The following D2HGDH variants were observed in gnomAD, a reference collection of about 807,000 sequenced individuals.
D2HGDH encodes the protein D-2-hydroxyglutarate dehydrogenase, also known as D-2-hydroxyglutarate dehydrogenase, mitochondrial.
Under a neutral mutation model 46.9 loss-of-function variants are expected in D2HGDH, and 31 were observed. The observed-to-expected ratio is 0.66, with a 90% CI of 0.50 to 0.89. The LOEUF is 0.89. Among genes scored for constraint, D2HGDH ranks in the 40% least tolerant of loss-of-function variants. D2HGDH has a pLI of 0.00. For missense variants in D2HGDH, 698 were observed against 720.8 expected (o/e 0.97, Z 0.36); for synonymous variants, 364 against 332.6 (o/e 1.09, Z -1.03).
At chr2:241,763,562 G>A (rs566569778) in intron 9 of D2HGDH, among the ~76,000 whole-genome samples, 3 of 152,284 alleles carry the variant, frequency 2.0e-5, no homozygotes, top group African/African-American at 7.2e-5. Context: ...CTTTATAAAT[G>A]CTGCACACTG....
Position 241,756,001 on chromosome 2 carries a change from C to G in D2HGDH, c.1293C>G (p.Gly431=), listed in dbSNP as rs1400781664. 1.3e-6 allele frequency: 2 copies of G among 1,598,544 alleles called. No individual in the cohort carries two copies. Among genetic ancestry groups the G allele is most frequent in the East Asian group, 4.5e-5 (2 of 44,424 alleles). ...GCCCGCACGCCAAGCACGTGGTGGG[C>G]TATGGCCACCTTGGTGAGCGGCGCC... ...RLGPHAKHVV[G]YGHLGDGNLH... is the part of the protein sequence containing the mutation. The change falls in exon 9 of 10, where the codon GGC becomes GGG. Residue 431 remains glycine (G), a synonymous_variant. Coordinates refer to ENST00000321264, the MANE Select transcript of D2HGDH (RefSeq NM_152783.5).
chr2:241,750,755 A>C lies in D2HGDH; in HGVS notation c.997+461A>C, dbSNP rs546124147. Reference sequence around the variant, plus strand: ...CAATGTCACGATCTTGGCTCACTGCAGCCTCCACCTCCCGGATTCAAACCA... The same window carrying C: ...CAATGTCACGATCTTGGCTCACTGCCGCCTCCACCTCCCGGATTCAAACCA... On this transcript the variant is annotated intron_variant, in intron 7 of 9. Transcript: ENST00000321264. Among the ~76,000 whole-genome samples, 443 of 152,222 alleles carry C rather than the reference A, an allele frequency of 2.9e-3. 13 individuals carry two copies. Among genetic ancestry groups the C allele is most frequent in the Admixed American group, 0.027 (413 of 15,282 alleles).
In D2HGDH at chr2:241,758,769, ATGTGTGTGTGTGTG is replaced by A. The variant is rs558559121; in HGVS notation, c.1306+2785_1306+2798del. 1.3e-3 allele frequency among the ~76,000 whole-genome samples: 172 copies of A among 131,968 alleles called. 1 individual carries two copies. In the Middle Eastern group the frequency reaches 0.035, roughly 27 times the overall value. The allele number at this position is 131,968 out of a possible 152,430, so 86.6% of individuals were successfully genotyped here. ...TATACCGCCCCCCGCCCCACAATAT[ATGTGTGTGTGTGTG>A]TGTGTGTGTGTGTGTGTGTGTGTGT... On this transcript the variant is annotated intron_variant, in intron 9 of 9. Coordinates refer to ENST00000321264, the MANE Select transcript of D2HGDH (RefSeq NM_152783.5).
rs762857195 is a variant in D2HGDH, at chr2:241,742,465, C to A, written c.381C>A (p.Asn127Lys). ...GCCACGAGAGGAACCTGGCCGTGAACCCACAGGGGGGCAACACAGGCATGG... is the reference window on the plus strand; with the variant it reads ...GCCACGAGAGGAACCTGGCCGTGAAACCACAGGGGGGCAACACAGGCATGG... ...RHCHERNLAV[N>K]PQGGNTGMVG... The change falls in exon 4 of 10, where the codon AAC (asparagine) becomes AAA (lysine). Residue 127 changes from asparagine to lysine, a missense_variant. By Grantham distance (94) the Asn-to-Lys change is moderately conservative (BLOSUM62 0). Coordinates refer to ENST00000321264, the MANE Select transcript of D2HGDH (RefSeq NM_152783.5). This position sits in a 1 kb window ranked among gnomAD's most constrained non-coding sequence, Gnocchi z 4.8. 1.9e-6 allele frequency: 3 copies of A among 1,613,620 alleles called. No homozygotes were observed. The highest frequency in any genetic ancestry group is 1.7e-5 in the Admixed American group (1 of 59,940).
chr2:241,755,491 C>T (rs957502169), intron 8 of D2HGDH: 15 of 1,335,836 alleles, frequency 1.1e-5, no homozygotes, highest in African/African-American at 3.0e-5. Flanking sequence ...GGCGCCTCCC[C>T]CTTCCGTCAT....
At chr2:241,763,033 G>A (rs1165328464) in intron 9 of D2HGDH, among the ~76,000 whole-genome samples, 1 of 152,228 alleles carries the variant, frequency 6.6e-6, no homozygotes, top group South Asian at 2.1e-4. Context: ...TGCTTCTGCA[G>A]TGGGTGGGGA....
At chr2:241,748,878 G>T (rs747068658) in intron 6 of D2HGDH, 13 of 1,297,208 alleles carry the variant, frequency 1.0e-5, no homozygotes, top group Non-Finnish European at 1.2e-5. Context: ...CCTGTGTGCC[G>T]CCCGCCTGTG....
chr2:241,735,423 C>T lies in D2HGDH; in HGVS notation c.199C>T (p.Leu67=). 1.2e-6 allele frequency: 2 copies of T among 1,607,664 alleles called. No homozygotes were observed. Among genetic ancestry groups the T allele is most frequent in the Non-Finnish European group, 1.7e-6 (2 of 1,178,850 alleles). ...LPFSTVSKQD[L]AAFERIVPGG... ...GTTCTCCACGGTGTCTAAGCAGGAC[C>T]TGGCCGCCTTTGAGCGCATCGTGCC... Residue 67 remains leucine, a synonymous_variant, in exon 2 of 10, where the codon CTG becomes TTG. Transcript: ENST00000321264.
rs192484378 is a variant in D2HGDH at position 241,757,089 on chromosome 2, G to A, written c.1306+1075G>A. Among the ~76,000 whole-genome samples the A allele has an allele frequency of 4.6e-5, 7 of 152,320 alleles. No individual in the cohort carries two copies. The East Asian group carries it at 1.2e-3, about 25-fold the overall frequency. ...GACGACAATAACACGTATTACTTAC[G>A]AAGGTCCCGTGCTGTCCCAGGCATT... On this transcript the variant is annotated intron_variant, in intron 9 of 9. Coordinates refer to ENST00000321264, the MANE Select transcript of D2HGDH (RefSeq NM_152783.5).
rs757167384 is a variant in D2HGDH at position 241,735,423 on chromosome 2, C to G, written c.199C>G (p.Leu67Val). 22 of 1,607,664 alleles carry G rather than the reference C, an allele frequency of 1.4e-5. No individual in the cohort carries two copies. In the South Asian group the frequency reaches 1.4e-4, roughly 10 times the overall value. Residue 67 changes from leucine (L) to valine (V), a missense_variant, in exon 2 of 10, where the codon CTG (leucine) becomes GTG (valine). Physicochemically the swap from Leu to Val is conservative, Grantham distance 32. Coordinates refer to ENST00000321264, the MANE Select transcript of D2HGDH (RefSeq NM_152783.5). ...LPFSTVSKQD[L>V]AAFERIVPGG... ...GTTCTCCACGGTGTCTAAGCAGGAC[C>G]TGGCCGCCTTTGAGCGCATCGTGCC...
In D2HGDH at chr2:241,743,166, C is replaced by T. The variant is rs955440887; in HGVS notation, c.491-456C>T. Among the ~76,000 whole-genome samples the T allele has an allele frequency of 8.5e-5, 13 of 152,278 alleles. No homozygotes were observed. The highest frequency in any genetic ancestry group is 3.9e-4 in the East Asian group (2 of 5,170). On this transcript the variant is annotated intron_variant, in intron 4 of 9. Transcript: ENST00000321264. This position sits in a 1 kb window ranked among gnomAD's most constrained non-coding sequence, Gnocchi z 4.8. ...GCCAGGGTCCTGCTCTGGAGCTGGG[C>T]CTCTCCCCGCAAGGCCGGGCTCCAG...
rs183029834 is a variant in D2HGDH, at chr2:241,755,123, C to T, written c.1141-726C>T. 84 of 1,304,070 alleles carry T rather than the reference C, an allele frequency of 6.4e-5. No individual in the cohort carries two copies. The East Asian group carries it at 1.2e-3, about 19-fold the overall frequency. The allele number at this position is 1,304,070 out of a possible 1,614,324, so 80.8% of individuals were successfully genotyped here. ...TCTGTCTGAGCCCTAGGATTTGGCC[C>T]GGTTCTGCTTCAGCCACCAGCACCG... On this transcript the variant is annotated intron_variant, in intron 8 of 9. Transcript: ENST00000321264.
At chr2:241,757,042 GAGGGTCT>G (rs1188824388) in intron 9 of D2HGDH, among the ~76,000 whole-genome samples, 29 of 152,196 alleles carry the variant, frequency 1.9e-4, no homozygotes, top group Admixed American at 1.9e-3. Flanking sequence ...GTGGTTACAG[GAGGGTCT>G]AGGGTTGTGT....
chr2:241,736,809 C>A (rs111473696), intron 2 of D2HGDH, among the ~76,000 whole-genome samples: 25 of 151,912 alleles, frequency 1.6e-4, no homozygotes, highest in African/African-American at 6.0e-4. Flanking sequence ...TACAGGTGCC[C>A]GCCACCATGC....
intron 6 of D2HGDH, among the ~76,000 whole-genome samples, chr2:241,748,635 G>T (rs572958132): frequency 6.6e-6 from 1 of 152,150 alleles, no homozygotes; most frequent in African/African-American, 2.4e-5. Context: ...TGCCCCTCTC[G>T]CCCATTGCCT....
rs550554472 is a variant in D2HGDH at position 241,734,884 on chromosome 2, G to T, written c.-93+189G>T. 427 of 272,620 alleles carry T rather than the reference G, an allele frequency of 1.6e-3. 2 individuals are homozygous for T. The highest frequency in any genetic ancestry group is 2.5e-3 in the Non-Finnish European group (358 of 144,348). 16.9% of individuals were successfully genotyped at this position (272,620 alleles called of 1,614,324 possible). A position where few individuals can be genotyped will look rare whatever the true frequency, so the allele number is the denominator to read the frequency against. ...CGCGCGCGTCCGCGGGATCCCCTCG[G>T]GGGGCGAGCTCGGAGGAACGGGGTC... On this transcript the variant is annotated intron_variant, in intron 1 of 9. Coordinates refer to ENST00000321264, the MANE Select transcript of D2HGDH (RefSeq NM_152783.5).
At chr2:241,749,701 G>A (rs1575276280) in intron 6 of D2HGDH, 1 of 332,694 alleles carries the variant, frequency 3.0e-6, no homozygotes, top group East Asian at 8.2e-5. Context: ...GCCGTCTCAG[G>A]TGCTGTGTGG....
In D2HGDH at chr2:241,734,684, A is replaced by ACGTGGTCGTGGGTG. The variant is rs1326923421; in HGVS notation, c.-100_-99insGTCGTGGGTGCGTG. On this transcript the variant is annotated 5_prime_UTR_variant, in exon 1 of 10. Transcript: ENST00000321264. ...CGGGCGCTGCGGGTTGGAGCTCGGGACGTGATCGTGGGTGCGTGCGCGCGG... is the reference window on the plus strand; with the variant it reads ...CGGGCGCTGCGGGTTGGAGCTCGGGACGTGGTCGTGGGTGCGTGATCGTGGGTGCGTGCGCGCGG... 6.6e-6 allele frequency: 1 copy of ACGTGGTCGTGGGTG among 150,538 alleles called. No homozygotes were observed. The highest frequency in any genetic ancestry group is 1.5e-5 in the Non-Finnish European group (1 of 67,844). The allele number at this position is 150,538 out of a possible 1,614,324, so 9.3% of individuals were successfully genotyped here.
intron 6 of D2HGDH, 133 bp from the exon 7 acceptor site, chr2:241,750,018 A>G (rs1696855820): frequency 3.7e-6 from 5 of 1,334,866 alleles, no homozygotes; most frequent in Non-Finnish European, 5.3e-6. Flanking sequence ...TTGCAGTGCC[A>G]GTCCTCGTGC....
Sources: allele counts gnomAD v4.1 joint callset (sites outside exome capture counted in the v4.1 genomes callset), GRCh38; gene constraint gnomAD v4.1.1; non-coding constraint Gnocchi (gnomAD v3.1); transcripts MANE v1.5; gene names NCBI Gene and HGNC (gene_info 2026-07-23, HGNC 2026-07-21).